OSBPL10: variants seen among roughly 807,000 people sequenced by gnomAD.
The protein encoded by OSBPL10 is oxysterol binding protein like 10, also known as oxysterol-binding protein-related protein 10.
Under a neutral mutation model 81.7 loss-of-function variants are expected in OSBPL10, and 49 were observed. The observed-to-expected ratio is 0.60, with a 90% CI of 0.48 to 0.76. The LOEUF is 0.76. Among genes scored for constraint, OSBPL10 ranks in the 30% least tolerant of loss-of-function variants. The probability of loss-of-function intolerance (pLI) is 0.00; values close to 1 mark genes in which losing one functional copy is unlikely to be tolerated. For synonymous variants in OSBPL10, 419 were observed against 383.6 expected, an observed-to-expected ratio of 1.09 and a Z score of -1.08; for missense variants, 923 against 987.8, an observed-to-expected ratio of 0.93 and a Z score of 0.88.
At chr3:31,957,341 A>T (rs1698038381) in intron 1 of OSBPL10, among the ~76,000 whole-genome samples, 1 of 152,116 alleles carries the variant, frequency 6.6e-6, no homozygotes, top group Non-Finnish European at 1.5e-5. Context: ...ATCTCCCCTG[A>T]GCACAGTTAT....
At chr3:31,945,138 A>G (rs1006610381) in intron 1 of OSBPL10, among the ~76,000 whole-genome samples, 1 of 136,326 alleles carries the variant, frequency 7.3e-6, no homozygotes, top group Non-Finnish European at 1.6e-5. Context: ...CGACAGAGCA[A>G]GACTCCGTCT....
intron 1 of OSBPL10, among the ~76,000 whole-genome samples, chr3:32,058,028 T>C (rs190907065): frequency 4.6e-5 from 7 of 152,342 alleles, no homozygotes; most frequent in Admixed American, 3.3e-4. Context: ...CATGGCACTA[T>C]CAGGAAATGA....
At chr3:31,696,702 C>A (rs1695732564) in intron 7 of OSBPL10, among the ~76,000 whole-genome samples, 1 of 152,242 alleles carries the variant, frequency 6.6e-6, no homozygotes, top group Non-Finnish European at 1.5e-5. Flanking sequence ...GTTGGAATAT[C>A]CCAGAACCCT....
chr3:31,667,673 C>T (rs534128501), intron 10 of OSBPL10, among the ~76,000 whole-genome samples: 1 of 152,338 alleles, frequency 6.6e-6, no homozygotes, highest in Admixed American at 6.5e-5. Flanking sequence ...AGAAAGTAAA[C>T]ATTTTAGGCT....
chr3:31,844,523 T>A (rs981109073), intron 3 of OSBPL10, among the ~76,000 whole-genome samples: 4 of 152,178 alleles, frequency 2.6e-5, no homozygotes, highest in African/African-American at 9.7e-5. Context: ...TCAAAAACAT[T>A]ATGATAAAGA....
chr3:31,990,674 A>C, intron 2 of OSBPL10: 2 of 1,614,214 alleles, frequency 1.2e-6, no homozygotes, highest in Non-Finnish European at 1.7e-6. Context: ...CATAGACTTC[A>C]TACTGGAGAG....
At chr3:31,792,740 AGTGTGTGTGTGTGTGTGT>A (rs10575874) in intron 4 of OSBPL10, among the ~76,000 whole-genome samples, 4 of 133,606 alleles carry the variant, frequency 3.0e-5, no homozygotes, top group Admixed American at 7.7e-5. Context: ...CCAGACACAG[AGTGTGTGTGTGTGTGTGT>A]GTGTGTGTGT....
At chr3:31,694,320 G>A (rs959891310) in intron 7 of OSBPL10, among the ~76,000 whole-genome samples, 16 of 129,314 alleles carry the variant, frequency 1.2e-4, no homozygotes, top group African/African-American at 3.4e-4. Context: ...GAAGTTAGCC[G>A]AGATCATGCT....
intron 1 of OSBPL10, among the ~76,000 whole-genome samples, chr3:31,979,208 G>C (rs1698763285): frequency 6.6e-6 from 1 of 152,122 alleles, no homozygotes; most frequent in Non-Finnish European, 1.5e-5. Flanking sequence ...TTCTTTTTCA[G>C]CTTTCACGAA....
chr3:31,904,394 C>T (rs1193520145), intron 1 of OSBPL10, among the ~76,000 whole-genome samples: 1 of 152,160 alleles, frequency 6.6e-6, no homozygotes, highest in African/African-American at 2.4e-5. Context: ...TCTGGGCAAC[C>T]AGACCAGGCT....
chr3:32,045,866 G>A (rs967239005), intron 2 of OSBPL10: 4 of 152,272 alleles, frequency 2.6e-5, no homozygotes, highest in Non-Finnish European at 1.5e-5. Context: ...TTAAAGAACA[G>A]AATCTCTGCC....
At chr3:31,752,963 C>T (rs79920198) in intron 4 of OSBPL10, among the ~76,000 whole-genome samples, 250 of 152,232 alleles carry the variant, frequency 1.6e-3, no homozygotes, top group Non-Finnish European at 2.7e-3. Context: ...TCAACCGGTG[C>T]CCCAGTGCCT....
chr3:31,988,903 C>A, intron 2 of OSBPL10: 3 of 741,898 alleles, frequency 4.0e-6, no homozygotes, highest in Non-Finnish European at 4.3e-6. Flanking sequence ...CCAGGAACAC[C>A]CAGCTGAAGT....
intron 3 of OSBPL10, among the ~76,000 whole-genome samples, chr3:31,873,601 A>G (rs905133826): frequency 5.9e-5 from 9 of 152,254 alleles, no homozygotes; most frequent in African/African-American, 1.9e-4. Flanking sequence ...CCTGAACACG[A>G]TTTTACGTAA....
At chr3:31,946,615 C>T (rs1041997570) in intron 1 of OSBPL10, among the ~76,000 whole-genome samples, 5 of 152,094 alleles carry the variant, frequency 3.3e-5, no homozygotes, top group Admixed American at 6.6e-5. Flanking sequence ...CATCCACCTG[C>T]GAAAAGCACA....
chr3:32,042,015 G>A (rs1280953275), intron 2 of OSBPL10, among the ~76,000 whole-genome samples: 1 of 152,106 alleles, frequency 6.6e-6, no homozygotes, highest in African/African-American at 2.4e-5. Context: ...GTTCTCTTGG[G>A]ACACTCACTC....
intron 3 of OSBPL10, among the ~76,000 whole-genome samples, chr3:31,868,627 T>C (rs1454119760): frequency 6.6e-6 from 1 of 152,088 alleles, no homozygotes; most frequent in Non-Finnish European, 1.5e-5. Context: ...ATGAATCCAC[T>C]TTCCATGTCC....
chr3:31,827,544 A>G (rs11719748), intron 4 of OSBPL10, among the ~76,000 whole-genome samples: 11,017 of 152,086 alleles, frequency 0.072, 590 homozygotes, highest in Non-Finnish European at 0.11. Flanking sequence ...GCTGAGGCAG[A>G]AGAATGGCAT....
intron 1 of OSBPL10, among the ~76,000 whole-genome samples, chr3:31,898,999 T>TCACC (rs538375998): frequency 1.0e-3 from 135 of 128,764 alleles, no homozygotes; most frequent in African/African-American, 3.8e-3. Flanking sequence ...TCTCGGTCTG[T>TCACC]CACCCAGGCT....
Sources: gnomAD v4.1 joint callset for allele counts (sites outside exome capture counted in the v4.1 genomes callset) on GRCh38, gnomAD v4.1.1 for gene constraint, MANE v1.5 for transcripts, NCBI Gene and HGNC (gene_info 2026-07-23, HGNC 2026-07-21) for gene names.